Variants in ATP8A2 observed in about 807,000 individuals in gnomAD.
The protein encoded by ATP8A2 is phospholipid-transporting ATPase IB.
A neutral mutation model predicts 165.6 loss-of-function variants in ATP8A2; 100 were observed. The observed-to-expected ratio is 0.60, with a 90% CI of 0.51 to 0.71. The LOEUF is 0.71. Among genes scored for constraint, ATP8A2 ranks in the 30% least tolerant of loss-of-function variants. The pLI, the probability that ATP8A2 is intolerant of heterozygous loss-of-function variation, is 0.00. For missense variants in ATP8A2, 1,227 were observed against 1,479.5 expected, an observed-to-expected ratio of 0.83 and a Z score of 2.80; for synonymous variants, 543 against 548.8, an observed-to-expected ratio of 0.99 and a Z score of 0.15.
chr13:25,925,037 A>G (rs1467420637), intron 33 of ATP8A2, among the ~76,000 whole-genome samples: 1 of 152,214 alleles, frequency 6.6e-6, no homozygotes, highest in Non-Finnish European at 1.5e-5. Flanking sequence ...GCAGCATGAG[A>G]ACAGACTAAT....
At chr13:25,783,631 G>A (rs928277131) in intron 27 of ATP8A2, among the ~76,000 whole-genome samples, 1 of 152,122 alleles carries the variant, frequency 6.6e-6, no homozygotes, top group African/African-American at 2.4e-5. Context: ...AGGATCCCAG[G>A]ATGAAACGAG....
chr13:26,016,164 G>A (rs1357891409), intron 36 of ATP8A2, among the ~76,000 whole-genome samples: 1 of 152,212 alleles, frequency 6.6e-6, no homozygotes, highest in Non-Finnish European at 1.5e-5. Context: ...CTCTTGAATT[G>A]TAGAGTCCAC....
intron 19 of ATP8A2, among the ~76,000 whole-genome samples, chr13:25,575,270 A>G (rs1197305536): frequency 6.6e-6 from 1 of 152,228 alleles, no homozygotes; most frequent in Non-Finnish European, 1.5e-5. Flanking sequence ...ACAAATGATG[A>G]CAGATGAGAT....
intron 27 of ATP8A2, among the ~76,000 whole-genome samples, chr13:25,821,949 C>T (rs992967438): frequency 9.9e-5 from 15 of 152,122 alleles, no homozygotes; most frequent in Non-Finnish European, 1.5e-5. Context: ...TCCCTCTTTC[C>T]CCCAGAGAAC....
intron 33 of ATP8A2, among the ~76,000 whole-genome samples, chr13:25,875,567 A>G (rs1952800128): frequency 6.6e-6 from 1 of 151,880 alleles, no homozygotes; most frequent in East Asian, 1.9e-4. Context: ...CAGGATCTGC[A>G]CCTAAGAAGT....
chr13:25,567,120 A>T (rs1218967247), intron 16 of ATP8A2: 14 of 312,912 alleles, frequency 4.5e-5, no homozygotes, highest in African/African-American at 2.8e-4. Context: ...CTAGTGTTTG[A>T]AAGATTTCAA....
intron 27 of ATP8A2, among the ~76,000 whole-genome samples, chr13:25,798,057 A>G (rs1950533474): frequency 6.6e-6 from 1 of 152,148 alleles, no homozygotes; most frequent in Admixed American, 6.5e-5. Flanking sequence ...ATTTTTTTTC[A>G]AGAATTCCTT....
intron 1 of ATP8A2, among the ~76,000 whole-genome samples, chr13:25,464,323 G>A (rs138922197): frequency 4.0e-5 from 6 of 151,876 alleles, no homozygotes; most frequent in African/African-American, 7.2e-5. Context: ...GTTAAGATAC[G>A]TGGTTATGAG....
chr13:25,573,871 A>AG (rs1003673464), intron 18 of ATP8A2, among the ~76,000 whole-genome samples: 1 of 152,236 alleles, frequency 6.6e-6, no homozygotes, highest in African/African-American at 2.4e-5. Flanking sequence ...GGATGCAAAG[A>AG]GAAGGAGTGG....
rs555784391 is a variant in ATP8A2, at chr13:25,742,464, A to G, written c.2385-26582A>G. Among the ~76,000 whole-genome samples the G allele has an allele frequency of 2.4e-4, 36 of 152,204 alleles. 1 individual carries two copies. In the South Asian group the frequency reaches 7.3e-3, roughly 31 times the overall value. On this transcript the variant is annotated intron_variant, in intron 25 of 36. Transcript: ENST00000381655. ...TTTCATCATAAAGAAGTTTTACTACAAGTTAGGGGCTAACTAGAAACTGAG... is the reference window on the plus strand; with the variant it reads ...TTTCATCATAAAGAAGTTTTACTACGAGTTAGGGGCTAACTAGAAACTGAG...
chr13:25,558,919 GATCTTTGC>G, intron 13 of ATP8A2, 46 bp from the exon 14 acceptor site: 2 of 1,245,326 alleles, frequency 1.6e-6, no homozygotes, highest in Non-Finnish European at 1.1e-6. Context: ...TTCATTTGTT[GATCTTTGC>G]ATCTCAATAC....
chr13:25,917,210 A>G (rs1954294336), intron 33 of ATP8A2, among the ~76,000 whole-genome samples: 1 of 152,212 alleles, frequency 6.6e-6, no homozygotes, highest in Non-Finnish European at 1.5e-5. Context: ...CTCCTGTCCT[A>G]GATATCTTCA....
In ATP8A2 at chr13:25,700,092, A is replaced by G. The variant is rs2042919858; in HGVS notation, c.2384+747A>G. ...ATATTCAGGGACCATGGGGATGAGG[A>G]CAAATTCAAATGTGTTTGAAACAAT... On this transcript the variant is annotated intron_variant, in intron 25 of 36. Transcript: ENST00000381655. Among the ~76,000 whole-genome samples the G allele has an allele frequency of 3.3e-5, 5 of 152,284 alleles. No homozygotes were observed. In the South Asian group the frequency reaches 1.0e-3, roughly 32 times the overall value.
At chr13:25,382,964 C>G (rs577615872) in intron 1 of ATP8A2, among the ~76,000 whole-genome samples, 1 of 151,220 alleles carries the variant, frequency 6.6e-6, no homozygotes, top group Non-Finnish European at 1.5e-5. Flanking sequence ...ATCATGTTAG[C>G]CAGGATGGTC....
intron 27 of ATP8A2, among the ~76,000 whole-genome samples, chr13:25,790,463 A>G (rs1237554933): frequency 6.6e-6 from 1 of 151,806 alleles, no homozygotes; most frequent in Admixed American, 6.6e-5. Flanking sequence ...AGGCAGGCAG[A>G]TTGCTTGAGC....
chr13:25,933,733 A>C (rs1954821067), intron 33 of ATP8A2, among the ~76,000 whole-genome samples: 1 of 152,220 alleles, frequency 6.6e-6, no homozygotes, highest in South Asian at 2.1e-4. Context: ...ATACTCACAC[A>C]AGCTGAAGTT....
chr13:25,516,687 T>C (rs771258989), intron 2 of ATP8A2, among the ~76,000 whole-genome samples: 1 of 152,152 alleles, frequency 6.6e-6, no homozygotes, highest in Non-Finnish European at 1.5e-5. Context: ...GATCCTTCTC[T>C]TGCAGTGCAA....
intron 9 of ATP8A2, among the ~76,000 whole-genome samples, chr13:25,542,270 T>A (rs2038503733): frequency 6.6e-6 from 1 of 152,172 alleles, no homozygotes; most frequent in Non-Finnish European, 1.5e-5. Flanking sequence ...GTGCCTACTC[T>A]CTGCCAGGCA....
At chr13:26,012,215 C>G (rs529646095) in intron 35 of ATP8A2, among the ~76,000 whole-genome samples, 1 of 152,290 alleles carries the variant, frequency 6.6e-6, no homozygotes, top group South Asian at 2.1e-4. Flanking sequence ...GATGTTTACC[C>G]GGAAACAGGC....
Sources: gnomAD v4.1 joint callset for allele counts (sites outside exome capture counted in the v4.1 genomes callset) on GRCh38, gnomAD v4.1.1 for gene constraint, MANE v1.5 for transcripts, NCBI Gene and HGNC (gene_info 2026-07-23, HGNC 2026-07-21) for gene names.